The following UBN1 variants were observed in gnomAD, a reference collection of about 807,000 sequenced individuals.
The protein encoded by UBN1 is ubinuclein-1.
A neutral mutation model predicts 108.5 loss-of-function variants in UBN1; 17 were observed. The ratio of observed to expected loss-of-function variants is 0.16; its 90% CI spans 0.11 to 0.24. The LOEUF is 0.24. Ranked by LOEUF, UBN1 falls within the 10% of genes least tolerant of loss-of-function variation. The probability of loss-of-function intolerance (pLI) is 1.00; values close to 1 mark genes in which losing one functional copy is unlikely to be tolerated. For synonymous variants in UBN1, 726 were observed against 564.2 expected (o/e 1.29, Z -4.07); for missense variants, 1,595 against 1,394.4 (o/e 1.14, Z -2.29).
intron 7 of UBN1, among the ~76,000 whole-genome samples, chr16:4,867,199 T>C (rs1007957992): frequency 6.6e-6 from 1 of 152,100 alleles, no homozygotes; most frequent in Admixed American, 6.5e-5. Context: ...AGTGCAATTA[T>C]TAGAAGTGGG....
At chr16:4,870,112 C>A in intron 8 of UBN1, 100 bp from the exon 9 acceptor site, 3 of 1,551,502 alleles carry the variant, frequency 1.9e-6, no homozygotes, top group Admixed American at 3.6e-5. Flanking sequence ...CAGGGTTTGA[C>A]TGCCGTTGGC....
At chr16:4,853,225 A>G (rs193243440) in intron 2 of UBN1, 59 bp downstream of exon 2, 2 of 1,577,266 alleles carry the variant, frequency 1.3e-6, no homozygotes. Context: ...CAGTGCATGC[A>G]TGTGGGGCTT....
At chr16:4,858,139 T>C in intron 3 of UBN1, 63 bp downstream of exon 3, 1 of 1,045,946 alleles carries the variant, frequency 9.6e-7, no homozygotes, top group South Asian at 1.3e-5. Context: ...CCACACTGTA[T>C]TCCTTTAGTG....
At chr16:4,875,515 A>C in intron 15 of UBN1, 81 bp downstream of exon 15, 1 of 1,522,758 alleles carries the variant, frequency 6.6e-7, no homozygotes. Context: ...CCCCGGGTGG[A>C]GAGTGAGATC....
At chr16:4,856,172 TCAG>T (rs2086800064) in intron 2 of UBN1, among the ~76,000 whole-genome samples, 2 of 152,220 alleles carry the variant, frequency 1.3e-5, no homozygotes, top group Non-Finnish European at 2.9e-5. Flanking sequence ...TCAAACCAAA[TCAG>T]CAGGTCAACT....
chr16:4,861,207 G>C, intron 7 of UBN1, 105 bp downstream of exon 7: 1 of 1,290,204 alleles, frequency 7.8e-7, no homozygotes, highest in Non-Finnish European at 1.0e-6. Context: ...TAGTGAGTTG[G>C]CAGTTAAGGT....
chr16:4,877,811 AAAGGG>A lies in UBN1; in HGVS notation c.3355+342_3355+346del. The A allele has an allele frequency of 1.9e-6, 2 of 1,045,980 alleles. No individual in the cohort carries two copies. 64.8% of individuals were successfully genotyped at this position (1,045,980 alleles called of 1,614,324 possible). A position where few individuals can be genotyped will look rare whatever the true frequency, so the allele number is the denominator to read the frequency against. On this transcript the variant is annotated intron_variant, in intron 17 of 17. Coordinates refer to ENST00000262376, the MANE Select transcript of UBN1 (RefSeq NM_001079514.3). The surrounding 1 kb of genome is among the most constrained non-coding windows in gnomAD (Gnocchi z 4.3). ...TTCTCTTCAGTTTAAAAAAAAAAAAAAAGGGAAGGTAATGGTGCATCTTCTCCAAG... is the reference window on the plus strand; with the variant it reads ...TTCTCTTCAGTTTAAAAAAAAAAAAAAAGGTAATGGTGCATCTTCTCCAAG...
intron 7 of UBN1, among the ~76,000 whole-genome samples, chr16:4,864,932 G>A (rs2087253922): frequency 6.6e-6 from 1 of 152,126 alleles, no homozygotes; most frequent in Non-Finnish European, 1.5e-5. Context: ...CTCCTACTCA[G>A]CAAAAACAGA....
In UBN1 at chr16:4,877,852, G is replaced by T; in HGVS notation, c.3355+378G>T. ...TGCATCTTCTCCAAGGGCTAATTGG[G>T]TACAACAAGGTCTTGGAATGCAAGC... On this transcript the variant is annotated intron_variant, in intron 17 of 17. Transcript: ENST00000262376. The surrounding 1 kb of genome is among the most constrained non-coding windows in gnomAD (Gnocchi z 4.3). The T allele has an allele frequency of 1.0e-6, 1 of 999,644 alleles. No individual in the cohort carries two copies. Among genetic ancestry groups the T allele is most frequent in the Non-Finnish European group, 1.2e-6 (1 of 839,308 alleles). The allele number at this position is 999,644 out of a possible 1,614,324, so 61.9% of individuals were successfully genotyped here. A position where few individuals can be genotyped will look rare whatever the true frequency, so the allele number is the denominator to read the frequency against.
rs529340344 is a variant in UBN1, at chr16:4,870,942, G to A, written c.1529G>A (p.Arg510Gln). The A allele has an allele frequency of 5.0e-6, 8 of 1,614,124 alleles. No homozygotes were observed. Among genetic ancestry groups the A allele is most frequent in the Non-Finnish European group, 6.8e-6 (8 of 1,180,012 alleles). ...GGGGGCAGGAGGATAATGGGACCTC[G>A]GAAGAAGTTCCAATGGAATGATGAG... ...EKGGRRIMGP[R>Q]KKFQWNDEIR... The change falls in exon 11 of 18, where the codon CGG becomes CAG. Residue 510 changes from arginine (R) to glutamine (Q), a missense_variant. Arg to Gln is a conservative substitution (Grantham distance 43, BLOSUM62 1). Around this residue, in one of 3 missense-constraint regions of UBN1, gnomAD observed 1,398 missense variants for 1,194.7 expected, o/e 1.17. Coordinates refer to ENST00000262376, the MANE Select transcript of UBN1 (RefSeq NM_001079514.3).
chr16:4,875,510 G>C (rs2087837858), intron 15 of UBN1, 76 bp downstream of exon 15: 1 of 1,526,872 alleles, frequency 6.5e-7, no homozygotes, highest in Admixed American at 2.1e-5. Context: ...CCTTGCCCCG[G>C]GTGGAGAGTG....
At chr16:4,871,485 G>A (rs1266361976) in intron 12 of UBN1, among the ~76,000 whole-genome samples, 184 bp downstream of exon 12, 1 of 152,044 alleles carries the variant, frequency 6.6e-6, no homozygotes, top group East Asian at 1.9e-4. Flanking sequence ...ATCTTCCCTG[G>A]AGGAAGGGAA....
At chr16:4,852,825 G>C (rs1417867805) in intron 1 of UBN1, 54 bp from the exon 2 acceptor site, 7 of 1,457,932 alleles carry the variant, frequency 4.8e-6, no homozygotes, top group South Asian at 4.2e-5. Context: ...AATTAGGCAG[G>C]TAAACTATTT....
At chr16:4,850,350 A>G (rs559276894) in intron 1 of UBN1, among the ~76,000 whole-genome samples, 131 of 152,294 alleles carry the variant, frequency 8.6e-4, no homozygotes, top group African/African-American at 3.0e-3. Context: ...TTGGACTGAG[A>G]TAAGGTTATG....
chr16:4,871,576 CTTTTTTTTTTTTT>C (rs35865064), intron 12 of UBN1, among the ~76,000 whole-genome samples: 14 of 88,422 alleles, frequency 1.6e-4, no homozygotes, highest in African/African-American at 5.0e-4. Context: ...ATGCACTTTC[CTTTTTTTTTTTTT>C]TTTTTTTTTT....
At chr16:4,859,796 A>G (rs1224396093) in intron 5 of UBN1, 69 bp from the exon 6 acceptor site, 4 of 1,600,948 alleles carry the variant, frequency 2.5e-6, no homozygotes, top group Non-Finnish European at 3.4e-6. Flanking sequence ...GAGCAAGGCC[A>G]GTGCCGTGTA....
intron 3 of UBN1, 26 bp from the exon 4 acceptor site, chr16:4,858,542 T>C (rs745994766): frequency 1.9e-6 from 3 of 1,599,698 alleles, no homozygotes; most frequent in African/African-American, 1.3e-5. Context: ...TCAAAAAGCA[T>C]GTAATCTATT....
chr16:4,870,056 G>A (rs1232552211), intron 8 of UBN1, among the ~76,000 whole-genome samples, 156 bp from the exon 9 acceptor site: 1 of 152,200 alleles, frequency 6.6e-6, no homozygotes, highest in East Asian at 1.9e-4. Context: ...TGATTGCTGA[G>A]GATGTGTTTC....
rs757273883 is a variant in UBN1, at chr16:4,870,245, G to T, written c.1215G>T (p.Gln405His). Residue 405 changes from glutamine to histidine, a missense_variant, in exon 9 of 18, where the codon CAG becomes CAT. Physicochemically the swap from Gln to His is conservative, Grantham distance 24. Coordinates refer to ENST00000262376, the MANE Select transcript of UBN1 (RefSeq NM_001079514.3). Reference sequence around the variant, plus strand: ...CGCAGACTCGGGAGCTGAGCAGTCAGGTCCGCTCTGGGGTGTATGCCTATC... The same window carrying T: ...CGCAGACTCGGGAGCTGAGCAGTCATGTCCGCTCTGGGGTGTATGCCTATC... The part of the protein sequence containing the change: ...IEAQTRELSS[Q>H]VRSGVYAYLA... 1 of 1,614,140 alleles carries T rather than the reference G, an allele frequency of 6.2e-7. No homozygotes were observed. The highest frequency in any genetic ancestry group is 8.5e-7 in the Non-Finnish European group (1 of 1,180,054).
Sources: allele counts gnomAD v4.1 joint callset (sites outside exome capture counted in the v4.1 genomes callset), GRCh38; gene constraint gnomAD v4.1.1; regional missense constraint gnomAD v4.1.1; non-coding constraint Gnocchi (gnomAD v3.1); transcripts MANE v1.5; gene names NCBI Gene and HGNC (gene_info 2026-07-23, HGNC 2026-07-21).